PELI3: variants seen among roughly 807,000 people sequenced by gnomAD.
PELI3 encodes E3 ubiquitin-protein ligase pellino homolog 3.
A neutral mutation model predicts 35.5 loss-of-function variants in PELI3; 19 were observed. The observed-to-expected ratio is 0.54, with a 90% CI of 0.37 to 0.79. The LOEUF (loss-of-function observed/expected upper bound fraction) is 0.79, where lower values mean the gene tolerates loss of function less well. PELI3 is among the 30% of genes least tolerant of loss of function. PELI3 has a pLI of 0.00. For missense variants in PELI3, 490 were observed against 661.2 expected, an observed-to-expected ratio of 0.74 and a Z score of 2.84; for synonymous variants, 262 against 279.2, an observed-to-expected ratio of 0.94 and a Z score of 0.62.
At position 66,476,188 on chromosome 11, in the gene PELI3, G is replaced by A; in HGVS notation, c.*21G>A. On this transcript the variant is annotated 3_prime_UTR_variant, in exon 8 of 8. Transcript: ENST00000320740. ...ATTAGGCTCCCTGGGGCCCCCTGCT[G>A]CTGTGCCCACCTGCCCACCCAGGTC... 6.5e-7 allele frequency: 1 copy of A among 1,527,442 alleles called. No individual in the cohort carries two copies. The allele number at this position is 1,527,442 out of a possible 1,614,324, so 94.6% of individuals were successfully genotyped here.
rs1854776106 is a variant in PELI3 at position 66,473,083 on chromosome 11, G to A, written c.457-158G>A. On this transcript the variant is annotated intron_variant, in intron 5 of 7. Coordinates refer to ENST00000320740, the MANE Select transcript of PELI3 (RefSeq NM_145065.3). This position sits in a 1 kb window ranked among gnomAD's most constrained non-coding sequence, Gnocchi z 5.8. ...CTTGGAGACCCCACCTGGGAGCCTA[G>A]AGGGCCTATGGAGTTGGTGCTGCCC... is the stretch of plus-strand genomic sequence containing the variant. Among the ~76,000 whole-genome samples the A allele has an allele frequency of 6.6e-6, 1 of 152,114 alleles. No homozygotes were observed. The highest frequency in any genetic ancestry group is 1.5e-5 in the Non-Finnish European group (1 of 68,026).
chr11:66,471,388 T>A lies in PELI3; in HGVS notation c.354+17T>A. The A allele has an allele frequency of 6.2e-7, 1 of 1,613,038 alleles. No individual in the cohort carries two copies. Among genetic ancestry groups the A allele is most frequent in the Non-Finnish European group, 8.5e-7 (1 of 1,179,378 alleles). ...GTCTCCAAGGCAAGCAACTGACCCA[T>A]AGACCTGAGGTCCTGCCCTCCCTGC... On this transcript the variant is annotated intron_variant, in intron 4 of 7. Coordinates refer to ENST00000320740, the MANE Select transcript of PELI3 (RefSeq NM_145065.3).
At position 66,473,696 on chromosome 11, in the gene PELI3, G is replaced by C. The variant is rs751947973; in HGVS notation, c.652-41G>C. 13 of 1,601,686 alleles carry C rather than the reference G, an allele frequency of 8.1e-6. No individual in the cohort carries two copies. The highest frequency in any genetic ancestry group is 7.6e-6 in the Non-Finnish European group (9 of 1,176,812). The stretch of plus-strand genomic sequence containing the variant: ...GCCTCTGGCACATGGCCTGCTGGGG[G>C]GCCCCTGGGGGATGTGATCTGATCC... On this transcript the variant is annotated intron_variant, in intron 6 of 7. Coordinates refer to ENST00000320740, the MANE Select transcript of PELI3 (RefSeq NM_145065.3). This position sits in a 1 kb window ranked among gnomAD's most constrained non-coding sequence, Gnocchi z 5.8.
intron 7 of PELI3, 144 bp from the exon 8 acceptor site, chr11:66,475,454 C>T (rs1590722846): frequency 6.6e-6 from 5 of 756,598 alleles, no homozygotes; most frequent in Non-Finnish European, 8.5e-6. Context: ...ACCTGCCTGC[C>T]CACTTGGCCT....
intron 5 of PELI3, 86 bp downstream of exon 5, chr11:66,472,556 C>T: frequency 8.6e-7 from 1 of 1,166,280 alleles, no homozygotes; most frequent in Admixed American, 1.9e-5. Flanking sequence ...GGTTGGGAGG[C>T]CATGGGAAAG....
Position 66,473,738 on chromosome 11 carries a change from A to T in PELI3, c.653A>T (p.Glu218Val). ...ATCTGATCCCTCATGTGGTCCCAGGAGCGAGCGGCCAAATGGCGGACCCCA... is the reference window on the plus strand; with the variant it reads ...ATCTGATCCCTCATGTGGTCCCAGGTGCGAGCGGCCAAATGGCGGACCCCA... ...FDASSNIFLG[E>V]RAAKWRTPDG... Residue 218 changes from glutamate to valine, a missense_variant and splice_region_variant, in exon 7 of 8, where the codon GAG (glutamate) becomes GTG (valine). Physicochemically the swap from Glu to Val is moderately radical, Grantham distance 121. Transcript: ENST00000320740. This position sits in a 1 kb window ranked among gnomAD's most constrained non-coding sequence, Gnocchi z 5.8. The T allele has an allele frequency of 6.2e-7, 1 of 1,613,716 alleles. No homozygotes were observed. Among genetic ancestry groups the T allele is most frequent in the South Asian group, 1.1e-5 (1 of 91,090 alleles).
chr11:66,471,132 A>G, intron 3 of PELI3, 110 bp from the exon 4 acceptor site: 1 of 1,352,480 alleles, frequency 7.4e-7, no homozygotes, highest in Non-Finnish European at 1.0e-6. Flanking sequence ...TTATTAAGGT[A>G]GGATCTGCCT....
chr11:66,475,811 G>A lies in PELI3; in HGVS notation c.1054G>A (p.Asp352Asn), dbSNP rs770237444. 1.6e-5 allele frequency: 26 copies of A among 1,607,816 alleles called. No individual in the cohort carries two copies. The highest frequency in any genetic ancestry group is 2.7e-5 in the African/African-American group (2 of 74,824). Reference sequence around the variant, plus strand: ...CCCAGCCCGTGGCCGCACAGCGCCCGACAAACAGCAGCCCTGGGTCTACGT... The same window carrying A: ...CCCAGCCCGTGGCCGCACAGCGCCCAACAAACAGCAGCCCTGGGTCTACGT... ...PSPARGRTAP[D>N]KQQPWVYVRC... is the part of the protein sequence containing the mutation. The change falls in exon 8 of 8, where the codon GAC becomes AAC. Residue 352 changes from aspartate (D) to asparagine (N), a missense_variant. Around this residue, in one of 3 missense-constraint regions of PELI3, gnomAD observed 349 missense variants for 484.8 expected, o/e 0.72. Coordinates refer to ENST00000320740, the MANE Select transcript of PELI3 (RefSeq NM_145065.3).
In PELI3 at chr11:66,476,333, G is replaced by A. The variant is rs1854920434; in HGVS notation, c.*166G>A. The A allele has an allele frequency of 1.3e-6, 1 of 742,142 alleles. No homozygotes were observed. Among genetic ancestry groups the A allele is most frequent in the Non-Finnish European group, 2.1e-6 (1 of 467,590 alleles). 46.0% of individuals were successfully genotyped at this position (742,142 alleles called of 1,614,324 possible). On this transcript the variant is annotated 3_prime_UTR_variant, in exon 8 of 8. Coordinates refer to ENST00000320740, the MANE Select transcript of PELI3 (RefSeq NM_145065.3). ...CCCCCCAACTGTGGCCCCCCAAGGA[G>A]GTCCCCAAGATCTCCACCCCAGTCA... is the stretch of plus-strand genomic sequence containing the variant.
Position 66,472,445 on chromosome 11 carries a change from A to C in PELI3, c.431A>C (p.His144Pro). The C allele has an allele frequency of 2.5e-6, 4 of 1,614,118 alleles. No homozygotes were observed. The South Asian group carries it at 4.4e-5, about 18-fold the overall frequency. Residue 144 changes from histidine to proline, a missense_variant, in exon 5 of 8, where the codon CAT (histidine) becomes CCT (proline). Coordinates refer to ENST00000320740, the MANE Select transcript of PELI3 (RefSeq NM_145065.3). Reference protein sequence around the residue: ...RSHSVIVEYTHDSDTDMFQIG... With the variant: ...RSHSVIVEYTPDSDTDMFQIG... The stretch of plus-strand genomic sequence containing the variant: ...CACTCGGTCATAGTGGAGTATACAC[A>C]TGATAGCGACACAGACATGTTCCAG...
intron 4 of PELI3, 54 bp from the exon 5 acceptor site, chr11:66,472,315 C>A: frequency 1.4e-6 from 2 of 1,406,698 alleles, no homozygotes; most frequent in South Asian, 1.2e-5. Context: ...TTGCTCAAGG[C>A]ATACACTTAT....
At position 66,473,690 on chromosome 11, in the gene PELI3, C is replaced by A. The variant is rs764661521; in HGVS notation, c.652-47C>A. 6.2e-7 allele frequency: 1 copy of A among 1,601,460 alleles called. No individual in the cohort carries two copies. The highest frequency in any genetic ancestry group is 1.8e-5 in the Admixed American group (1 of 55,922). ...GGCAGTGCCTCTGGCACATGGCCTG[C>A]TGGGGGGCCCCTGGGGGATGTGATC... is the stretch of plus-strand genomic sequence containing the variant. On this transcript the variant is annotated intron_variant, in intron 6 of 7. Coordinates refer to ENST00000320740, the MANE Select transcript of PELI3 (RefSeq NM_145065.3). This position sits in a 1 kb window ranked among gnomAD's most constrained non-coding sequence, Gnocchi z 5.8.
At chr11:66,469,370 G>C (rs1227420851) in intron 3 of PELI3, among the ~76,000 whole-genome samples, 3 of 152,112 alleles carry the variant, frequency 2.0e-5, no homozygotes, top group Non-Finnish European at 4.4e-5. Flanking sequence ...GAACCTGCGA[G>C]GTAGGTCCTA....
chr11:66,473,306 T>G lies in PELI3; in HGVS notation c.522T>G (p.Ala174=). The G allele has an allele frequency of 6.2e-7, 1 of 1,613,564 alleles. No individual in the cohort carries two copies. The highest frequency in any genetic ancestry group is 2.2e-5 in the East Asian group (1 of 44,890). ...CAGACACGTCCCCTGGAGGAGGGGC[T>G]GCCGAGGGCCCTTCTGCCCAGAGCA... ...VVTDTSPGGG[A]AEGPSAQSTI... The change falls in exon 6 of 8, where the codon GCT becomes GCG. Residue 174 remains alanine, a synonymous_variant. Transcript: ENST00000320740. This position sits in a 1 kb window ranked among gnomAD's most constrained non-coding sequence, Gnocchi z 5.8.
chr11:66,474,313 T>C (rs904741444), intron 7 of PELI3: 12 of 564,882 alleles, frequency 2.1e-5, no homozygotes, highest in Admixed American at 1.7e-4. Context: ...GTTTGTAGCA[T>C]GTCTATCACG....
chr11:66,471,291 C>G lies in PELI3; in HGVS notation c.274C>G (p.Leu92Val), dbSNP rs200291371. ...GGACAAGGGCCGCCGGCGAAGCCGC[C>G]TGGCACTGAGCCGCCGGTCGCACGC... ...SGDKGRRRSR[L>V]ALSRRSHANG... Residue 92 changes from leucine to valine, a missense_variant, in exon 4 of 8, where the codon CTG (leucine) becomes GTG (valine). By Grantham distance (32) the Leu-to-Val change is conservative. This residue lies in a region of PELI3 where 137 missense variants were observed against 157.1 expected (regional missense o/e 0.87). Transcript: ENST00000320740. 8.2e-5 allele frequency: 133 copies of G among 1,613,826 alleles called. 2 individuals carry two copies. The Admixed American group carries it at 2.0e-3, about 25-fold the overall frequency.
chr11:66,468,945 CTCTAGG>C (rs775308189), intron 3 of PELI3, 41 bp downstream of exon 3: 25 of 716,344 alleles, frequency 3.5e-5, no homozygotes, highest in Admixed American at 2.0e-5. Flanking sequence ...GTCTTTCTTA[CTCTAGG>C]TCTAGTGCGC....
intron 2 of PELI3, 137 bp downstream of exon 2, chr11:66,468,417 A>C: frequency 3.5e-6 from 3 of 851,880 alleles, no homozygotes; most frequent in Non-Finnish European, 4.9e-6. Flanking sequence ...TGAAAGACAA[A>C]ATTGACCAAA....
rs370920976 is a variant in PELI3, at chr11:66,476,134, C to T, written c.1377C>T (p.Cys459=). ...CCTGGCTTACCGGCGAGCATGGCTG[C>T]GTCCGCCTCATTTTCCAGGGCCCGC... ...CGAWLTGEHG[C]VRLIFQGPLD Residue 459 remains cysteine (C), a synonymous_variant, in exon 8 of 8, where the codon TGC becomes TGT. Coordinates refer to ENST00000320740, the MANE Select transcript of PELI3 (RefSeq NM_145065.3). 7.6e-6 allele frequency: 12 copies of T among 1,571,866 alleles called. No homozygotes were observed. In the African/African-American group the frequency reaches 1.3e-4, roughly 18 times the overall value.
Sources: gnomAD v4.1 joint callset for allele counts (sites outside exome capture counted in the v4.1 genomes callset) on GRCh38, gnomAD v4.1.1 for gene constraint, gnomAD v4.1.1 regional missense constraint, Gnocchi (gnomAD v3.1) non-coding constraint, MANE v1.5 for transcripts, NCBI Gene and HGNC (gene_info 2026-07-23, HGNC 2026-07-21) for gene names.